The following RP1L1 variants were observed in gnomAD, a reference collection of about 807,000 sequenced individuals.
The protein encoded by RP1L1 is retinitis pigmentosa 1-like 1 protein.
In RP1L1, 27 loss-of-function variants were observed where a neutral mutation model predicts 15.7. The observed-to-expected ratio is 1.72, with a 90% CI of 1.27 to 2.38. The LOEUF (loss-of-function observed/expected upper bound fraction) is 2.38. Ranked by LOEUF, RP1L1 falls within the 30% of genes most tolerant of loss-of-function variation. The pLI is 0.00. For missense variants in RP1L1, 4,798 were observed against 3,075.9 expected, an observed-to-expected ratio of 1.56 and a Z score of -13.24; for synonymous variants, 1,813 against 1,276.7, an observed-to-expected ratio of 1.42 and a Z score of -8.96.
chr8:10,649,785 C>T (rs1798531858), intron 1 of RP1L1, among the ~76,000 whole-genome samples: 1 of 152,162 alleles, frequency 6.6e-6, no homozygotes, highest in Non-Finnish European at 1.5e-5. Flanking sequence ...GGCTCCAGGA[C>T]AACACACGGG....
chr8:10,651,531 A>G (rs1361164686), intron 1 of RP1L1, among the ~76,000 whole-genome samples: 3 of 152,156 alleles, frequency 2.0e-5, no homozygotes, highest in Non-Finnish European at 4.4e-5. Context: ...GATTGAGACC[A>G]TCCTGGCCAA....
chr8:10,652,045 A>G (rs1798570751), intron 1 of RP1L1, among the ~76,000 whole-genome samples: 1 of 152,230 alleles, frequency 6.6e-6, no homozygotes, highest in Non-Finnish European at 1.5e-5. Flanking sequence ...CATGCTGTAC[A>G]GGTTTGTAAC....
rs191393277 is a variant in RP1L1 at position 10,611,515 on chromosome 8, G to A, written c.2583C>T (p.Pro861=). Residue 861 remains proline (P), a synonymous_variant, in exon 4 of 4, where the codon CCC becomes CCT. Transcript: ENST00000382483. The part of the protein sequence containing the change: ...RYCPTPPRGR[P]CPQRRSSSCG... ...AGCTGGAAGAGCGCCTCTGGGGGCAGGGCCGCCCCCTGGGCGGGGTGGGAC... is the reference window on the plus strand; with the variant it reads ...AGCTGGAAGAGCGCCTCTGGGGGCAAGGCCGCCCCCTGGGCGGGGTGGGAC... 976 of 1,580,142 alleles carry A rather than the reference G, an allele frequency of 6.2e-4. 1 individual carries two copies. The highest frequency in any genetic ancestry group is 7.3e-4 in the Non-Finnish European group (846 of 1,164,552).
rs1797740131 is a variant in RP1L1 at position 10,607,923 on chromosome 8, C to A, written c.6175G>T (p.Glu2059Ter). Reference protein sequence around the residue: ...QPESDGVEAPEAEEEAQEAEG... With the variant: ...QPESDGVEAP ...GCCTCCTGTGCCTCCTCTTCTGCCT[C>A]CGGGGCCTCTACACCGTCTGACTCT... The change falls in exon 4 of 4, where the codon GAG (glutamate) becomes TAG (stop). Residue 2059 changes from glutamate (E) to a stop codon, truncating the protein, a stop_gained. Transcript: ENST00000382483. LOFTEE classifies it low-confidence loss of function (END_TRUNC). 2 of 1,600,092 alleles carry A rather than the reference C, an allele frequency of 1.2e-6. No homozygotes were observed. Among genetic ancestry groups the A allele is most frequent in the Admixed American group, 1.7e-5 (1 of 58,972 alleles).
chr8:10,624,803 C>G (rs1014485925), intron 1 of RP1L1, among the ~76,000 whole-genome samples: 6 of 152,188 alleles, frequency 3.9e-5, no homozygotes, highest in African/African-American at 1.4e-4. Context: ...CTTTTCAGTT[C>G]CACGAGCCGA....
At chr8:10,636,745 C>T (rs1013059141) in intron 1 of RP1L1, among the ~76,000 whole-genome samples, 3 of 152,238 alleles carry the variant, frequency 2.0e-5, no homozygotes, top group South Asian at 2.1e-4. Flanking sequence ...ACATGCTCTT[C>T]GCTGGGATTA....
chr8:10,611,439 T>C lies in RP1L1; in HGVS notation c.2659A>G (p.Ser887Gly). The change falls in exon 4 of 4, where the codon AGC (serine) becomes GGC (glycine). Residue 887 changes from serine to glycine, a missense_variant. Transcript: ENST00000382483. Reference protein sequence around the residue: ...HQSTARGPGGSPQEGTRQPGP... With the variant: ...HQSTARGPGGGPQEGTRQPGP... ...GGCTGGCGTGTCCCCTCCTGCGGGC[T>C]CCCACCTGGCCCCCGGGCAGTGCTT... is the stretch of plus-strand genomic sequence containing the variant. 1 of 1,574,416 alleles carries C rather than the reference T, an allele frequency of 6.4e-7. No individual in the cohort carries two copies. The highest frequency in any genetic ancestry group is 8.6e-7 in the Non-Finnish European group (1 of 1,162,484).
chr8:10,631,642 C>G (rs1056212725), intron 1 of RP1L1, among the ~76,000 whole-genome samples: 2 of 152,196 alleles, frequency 1.3e-5, no homozygotes, highest in Non-Finnish European at 2.9e-5. Context: ...TTGTCCCTGT[C>G]CCCCCTCCTC....
chr8:10,617,749 G>C (rs914497364), intron 2 of RP1L1, among the ~76,000 whole-genome samples: 6 of 151,816 alleles, frequency 4.0e-5, no homozygotes, highest in African/African-American at 9.7e-5. Context: ...GTAGAGACAG[G>C]GTTTCACCGT....
Position 10,608,022 on chromosome 8 carries a change from G to T in RP1L1, c.6076C>A (p.Gln2026Lys), listed in dbSNP as rs764261560. 1.2e-6 allele frequency: 2 copies of T among 1,611,282 alleles called. No individual in the cohort carries two copies. Among genetic ancestry groups the T allele is most frequent in the Admixed American group, 3.3e-5 (2 of 59,758 alleles). ...AQPESDGVEA[Q>K]PKSEGEEAQE... The stretch of plus-strand genomic sequence containing the variant: ...GCCTCTTCACCTTCTGACTTTGGCT[G>T]GGCCTCTACACCGTCTGACTCTGGC... The change falls in exon 4 of 4, where the codon CAG (glutamine) becomes AAG (lysine). Residue 2026 changes from glutamine (Q) to lysine (K), a missense_variant. Physicochemically the swap from Gln to Lys is moderately conservative, Grantham distance 53 (BLOSUM62 1). Coordinates refer to ENST00000382483, the MANE Select transcript of RP1L1 (RefSeq NM_178857.6).
At chr8:10,620,638 T>G (rs929300754) in intron 2 of RP1L1, among the ~76,000 whole-genome samples, 22 of 152,176 alleles carry the variant, frequency 1.4e-4, no homozygotes, top group African/African-American at 5.3e-4. Flanking sequence ...AGTGGCCCCA[T>G]GGAGCTGAAA....
chr8:10,626,393 A>G (rs1448480712), intron 1 of RP1L1, among the ~76,000 whole-genome samples: 1 of 152,220 alleles, frequency 6.6e-6, no homozygotes, highest in African/African-American at 2.4e-5. Flanking sequence ...GAAGCCGAGC[A>G]TGATGGGAAG....
chr8:10,621,767 C>T (rs1157656536), intron 2 of RP1L1: 4 of 506,966 alleles, frequency 7.9e-6, no homozygotes, highest in South Asian at 1.4e-5. Flanking sequence ...TCATGTCCGG[C>T]AGAACCTGGA....
chr8:10,648,331 C>T (rs1798510108), intron 1 of RP1L1, among the ~76,000 whole-genome samples: 2 of 152,144 alleles, frequency 1.3e-5, no homozygotes, highest in Admixed American at 1.3e-4. Flanking sequence ...CGCACCTGGC[C>T]AATTTTCTGG....
intron 1 of RP1L1, 131 bp from the exon 2 acceptor site, chr8:10,623,351 G>T: frequency 1.4e-6 from 1 of 703,384 alleles, no homozygotes; most frequent in Non-Finnish European, 2.3e-6. Context: ...AGAGGCAAGT[G>T]AATCTATTTG....
At chr8:10,638,119 C>T (rs1015874452) in intron 1 of RP1L1, among the ~76,000 whole-genome samples, 10 of 152,244 alleles carry the variant, frequency 6.6e-5, no homozygotes, top group African/African-American at 2.4e-4. Flanking sequence ...TTTGTTTACA[C>T]TTTGTCAGGC....
rs1797795488 is a variant in RP1L1 at position 10,609,813 on chromosome 8, C to G, written c.4285G>C (p.Glu1429Gln). The change falls in exon 4 of 4, where the codon GAG (glutamate) becomes CAG (glutamine). Residue 1429 changes from glutamate to glutamine, a missense_variant. Coordinates refer to ENST00000382483, the MANE Select transcript of RP1L1 (RefSeq NM_178857.6). The part of the protein sequence containing the change: ...KGSQEDDPVQ[E>Q]EEAGRASASA... ...GCAGAGGCTCTTCCTGCTTCCTCCT[C>G]CTGGACTGGGTCATCTTCCTGGGAG... 1 of 1,614,112 alleles carries G rather than the reference C, an allele frequency of 6.2e-7. No homozygotes were observed.
intron 2 of RP1L1, among the ~76,000 whole-genome samples, chr8:10,619,960 CAAAAAAAAAAAA>C (rs34459240): frequency 2.3e-5 from 2 of 87,172 alleles, no homozygotes; most frequent in East Asian, 3.6e-4. Flanking sequence ...GACTCCATCT[CAAAAAAAAAAAA>C]AAAAAAAAAG....
intron 3 of RP1L1, among the ~76,000 whole-genome samples, 154 bp downstream of exon 3, chr8:10,616,292 G>A (rs1321825650): frequency 6.6e-6 from 1 of 152,198 alleles, no homozygotes; most frequent in African/African-American, 2.4e-5. Context: ...TACTGAGAAG[G>A]AGGAAGAGGC....
Sources: gnomAD v4.1 joint callset for allele counts (sites outside exome capture counted in the v4.1 genomes callset) on GRCh38, gnomAD v4.1.1 for gene constraint, MANE v1.5 for transcripts, NCBI Gene and HGNC (gene_info 2026-07-23, HGNC 2026-07-21) for gene names.